The following SLIT2 variants were observed in gnomAD, a reference collection of about 807,000 sequenced individuals.
SLIT2 encodes the protein slit homolog 2 protein.
A neutral mutation model predicts 185.7 loss-of-function variants in SLIT2; 41 were observed. The observed-to-expected ratio is 0.22, with a 90% CI of 0.17 to 0.29. SLIT2 has a LOEUF of 0.29. SLIT2 is among the 10% of genes least tolerant of loss of function. SLIT2 has a pLI of 1.00. For missense variants in SLIT2, 1,571 were observed against 1,909.0 expected (o/e 0.82, Z 3.30); for synonymous variants, 693 against 680.2 (o/e 1.02, Z -0.29).
chr4:20,328,052 A>G (rs190375096), intron 4 of SLIT2, among the ~76,000 whole-genome samples: 1 of 152,162 alleles, frequency 6.6e-6, no homozygotes, highest in African/African-American at 2.4e-5. Flanking sequence ...TGGCCATCAA[A>G]GTGTGTTTTA....
In SLIT2 at chr4:20,524,026, G is replaced by T; in HGVS notation, c.1287G>T (p.Gln429His). The change falls in exon 14 of 37, where the codon CAG (glutamine) becomes CAT (histidine). Residue 429 changes from glutamine to histidine, a missense_variant. By Grantham distance (24) the Gln-to-His change is conservative. Coordinates refer to ENST00000504154, the MANE Select transcript of SLIT2 (RefSeq NM_004787.4). ...TGTGTTTCCAAAGGCATTTGGCCCA[G>T]AACCCCTTTATTTGTGACTGCCATC... ...LRAIQTMHLA[Q>H]NPFICDCHLK... The T allele has an allele frequency of 1.2e-6, 2 of 1,614,164 alleles. No individual in the cohort carries two copies. Among genetic ancestry groups the T allele is most frequent in the Non-Finnish European group, 1.7e-6 (2 of 1,180,012 alleles).
At chr4:20,419,605 A>G (rs141047971) in intron 4 of SLIT2, among the ~76,000 whole-genome samples, 396 of 151,060 alleles carry the variant, frequency 2.6e-3, no homozygotes, top group Non-Finnish European at 4.7e-3. Flanking sequence ...CAATTTTCCC[A>G]CCTTTAAAAT....
intron 9 of SLIT2, among the ~76,000 whole-genome samples, chr4:20,510,021 AT>A (rs1383885869): frequency 2.5e-4 from 38 of 152,272 alleles, no homozygotes; most frequent in East Asian, 3.9e-4. Flanking sequence ...GTATAAAATT[AT>A]TTTTTAACCG....
In SLIT2 at chr4:20,472,442, A is replaced by C. The variant is rs1194158844; in HGVS notation, c.467+4619A>C. ...TATATATATAGATATCTATAGATATATATCTATATAGATATATCTATATCT... is the reference window on the plus strand; with the variant it reads ...TATATATATAGATATCTATAGATATCTATCTATATAGATATATCTATATCT... On this transcript the variant is annotated intron_variant, in intron 5 of 36. Transcript: ENST00000504154. 4.5e-5 allele frequency among the ~76,000 whole-genome samples: 2 copies of C among 44,404 alleles called. 1 individual carries two copies. The highest frequency in any genetic ancestry group is 8.0e-5 in the Non-Finnish European group (2 of 25,074). The allele number at this position is 44,404 out of a possible 152,430, so 29.1% of individuals were successfully genotyped here.
chr4:20,574,623 C>G (rs1315447952), intron 29 of SLIT2, among the ~76,000 whole-genome samples: 1 of 151,910 alleles, frequency 6.6e-6, no homozygotes, highest in African/African-American at 2.4e-5. Context: ...CCTGTCTCTA[C>G]TAAAAATACA....
chr4:20,526,054 A>G (rs965561764), intron 15 of SLIT2, among the ~76,000 whole-genome samples: 4 of 152,160 alleles, frequency 2.6e-5, no homozygotes, highest in African/African-American at 7.2e-5. Context: ...TCGATTGGCC[A>G]CATTCACCGT....
At chr4:20,473,082 T>G (rs1036408527) in intron 5 of SLIT2, among the ~76,000 whole-genome samples, 10 of 151,944 alleles carry the variant, frequency 6.6e-5, no homozygotes, top group African/African-American at 2.4e-4. Context: ...AGGACATATT[T>G]TAAATGTACT....
intron 4 of SLIT2, among the ~76,000 whole-genome samples, chr4:20,440,788 T>C (rs1413045742): frequency 6.6e-6 from 1 of 152,204 alleles, no homozygotes; most frequent in African/African-American, 2.4e-5. Context: ...TTCCATTTCT[T>C]AAATATCCAA....
In SLIT2 at chr4:20,252,084, C is replaced by T. The variant is rs1722088199; in HGVS notation, c.-1732C>T. Among the ~76,000 whole-genome samples, 1 of 152,116 alleles carries T rather than the reference C, an allele frequency of 6.6e-6. No individual in the cohort carries two copies. The highest frequency in any genetic ancestry group is 1.5e-5 in the Non-Finnish European group (1 of 68,006). On this transcript the variant is annotated 5_prime_UTR_variant, in exon 1 of 37. Transcript: ENST00000504154. ...CCAGGCGCAGGCCGAAGCTGCCGCG[C>T]TTTCTGGGCACGGCGGGAGTGCTGA...
At chr4:20,468,610 T>G (rs1391427566) in intron 5 of SLIT2, among the ~76,000 whole-genome samples, 3 of 152,088 alleles carry the variant, frequency 2.0e-5, no homozygotes, top group Non-Finnish European at 2.9e-5. Context: ...TATCAATATC[T>G]CTCTAAATTT....
intron 4 of SLIT2, among the ~76,000 whole-genome samples, chr4:20,406,956 A>G (rs1726822460): frequency 6.6e-6 from 1 of 152,140 alleles, no homozygotes; most frequent in Non-Finnish European, 1.5e-5. Flanking sequence ...ATATTCGAAC[A>G]ATGGATTATC....
intron 4 of SLIT2, among the ~76,000 whole-genome samples, chr4:20,321,883 C>G (rs1719121095): frequency 6.6e-6 from 1 of 152,078 alleles, no homozygotes; most frequent in Non-Finnish European, 1.5e-5. Context: ...CAGTGGTTCT[C>G]AAGTGTGGCT....
At chr4:20,279,092 TA>T (rs1281336444) in intron 4 of SLIT2, among the ~76,000 whole-genome samples, 6 of 151,986 alleles carry the variant, frequency 3.9e-5, no homozygotes, top group Admixed American at 1.3e-4. Context: ...GCTTGCCTCT[TA>T]AAAAAAATAG....
intron 9 of SLIT2, among the ~76,000 whole-genome samples, chr4:20,493,294 A>C (rs959762678): frequency 6.6e-6 from 1 of 152,128 alleles, no homozygotes; most frequent in Non-Finnish European, 1.5e-5. Flanking sequence ...AGATTACTGA[A>C]GATGTTGACA....
At chr4:20,608,679 C>T (rs375557805) in intron 33 of SLIT2, among the ~76,000 whole-genome samples, 12 of 152,108 alleles carry the variant, frequency 7.9e-5, no homozygotes, top group South Asian at 2.1e-4. Context: ...ATCAAAAAAA[C>T]GTTTTATTAC....
intron 8 of SLIT2, chr4:20,490,912 G>T (rs1018059910): frequency 3.3e-6 from 3 of 912,132 alleles, no homozygotes; most frequent in East Asian, 5.3e-5. Context: ...CCTCTTCCTG[G>T]CACGTCACCA....
intron 1 of SLIT2, 27 bp from the exon 2 acceptor site, chr4:20,256,645 A>G (rs764453839): frequency 5.8e-6 from 7 of 1,203,052 alleles, no homozygotes; most frequent in African/African-American, 3.1e-5. Context: ...ATAAAATGGA[A>G]CTTTCACTTT....
At chr4:20,299,820 C>T (rs1716876988) in intron 4 of SLIT2, among the ~76,000 whole-genome samples, 1 of 151,948 alleles carries the variant, frequency 6.6e-6, no homozygotes, top group Admixed American at 6.6e-5. Context: ...CTTGGCTGTC[C>T]ATAGGGCTCC....
At chr4:20,346,480 CTG>C (rs1313294312) in intron 4 of SLIT2, among the ~76,000 whole-genome samples, 1 of 152,154 alleles carries the variant, frequency 6.6e-6, no homozygotes, top group Non-Finnish European at 1.5e-5. Context: ...GTATGAAAGA[CTG>C]TTAATAAATT....
Sources: allele counts gnomAD v4.1 joint callset (sites outside exome capture counted in the v4.1 genomes callset), GRCh38; gene constraint gnomAD v4.1.1; transcripts MANE v1.5; gene names NCBI Gene and HGNC (gene_info 2026-07-23, HGNC 2026-07-21).